The following UBE2S variants were observed in gnomAD, a reference collection of about 807,000 sequenced individuals.
UBE2S encodes the protein ubiquitin-conjugating enzyme E2 S.
Under a neutral mutation model 12.3 loss-of-function variants are expected in UBE2S, and 3 were observed. The observed-to-expected ratio is 0.24, with a 90% CI of 0.11 to 0.63. The LOEUF is 0.63. UBE2S is among the 30% of genes least tolerant of loss of function. UBE2S has a pLI of 0.85. For missense variants in UBE2S, 211 were observed against 313.9 expected (o/e 0.67, Z 2.48); for synonymous variants, 133 against 142.0 (o/e 0.94, Z 0.45).
intron 2 of UBE2S, among the ~76,000 whole-genome samples, chr19:55,405,275 T>C (rs1296526606): frequency 6.8e-6 from 1 of 146,898 alleles, no homozygotes; most frequent in Non-Finnish European, 1.5e-5. Context: ...TTTGGGAGGC[T>C]GAGGCGGGCG....
In UBE2S at chr19:55,401,206, C is replaced by G; in HGVS notation, c.*230G>C. On this transcript the variant is annotated 3_prime_UTR_variant, in exon 4 of 4. Transcript: ENST00000264552. Reference sequence around the variant, plus strand: ...CATGAGGCTTTACAAGGACCCAGGGCCTGTGCAGGGGAGCCAAACTCCCAG... The same window carrying G: ...CATGAGGCTTTACAAGGACCCAGGGGCTGTGCAGGGGAGCCAAACTCCCAG... 1 of 593,680 alleles carries G rather than the reference C, an allele frequency of 1.7e-6. No homozygotes were observed. Among genetic ancestry groups the G allele is most frequent in the Non-Finnish European group, 3.0e-6 (1 of 338,240 alleles). 36.8% of individuals were successfully genotyped at this position (593,680 alleles called of 1,614,324 possible). A position where few individuals can be genotyped will look rare whatever the true frequency, so the allele number is the denominator to read the frequency against.
At position 55,404,246 on chromosome 19, in the gene UBE2S, A is replaced by G. The variant is rs760469241; in HGVS notation, c.342+42T>C. The G allele has an allele frequency of 1.2e-6, 2 of 1,608,190 alleles. No homozygotes were observed. The highest frequency in any genetic ancestry group is 1.7e-6 in the Non-Finnish European group (2 of 1,176,340). On this transcript the variant is annotated intron_variant, in intron 3 of 3. Coordinates refer to ENST00000264552, the MANE Select transcript of UBE2S (RefSeq NM_014501.3). This position sits in a 1 kb window ranked among gnomAD's most constrained non-coding sequence, Gnocchi z 4.4. ...ATGGCTCAGACACCAGCAGACCTCC[A>G]GAGGCAGGAGGCAGGAGGCCCAGCC... is the stretch of plus-strand genomic sequence containing the variant.
chr19:55,404,578 G>T lies in UBE2S; in HGVS notation c.152-100C>A, dbSNP rs1182727431. The stretch of plus-strand genomic sequence containing the variant: ...TCCACGGTCTGATTGTGATGCAGGT[G>T]GGTGCCCCGCCAACTCTGCCAACAG... On this transcript the variant is annotated intron_variant, in intron 2 of 3. Coordinates refer to ENST00000264552, the MANE Select transcript of UBE2S (RefSeq NM_014501.3). This position sits in a 1 kb window ranked among gnomAD's most constrained non-coding sequence, Gnocchi z 4.4. The T allele has an allele frequency of 8.9e-7, 1 of 1,125,074 alleles. No individual in the cohort carries two copies. The highest frequency in any genetic ancestry group is 1.2e-6 in the Non-Finnish European group (1 of 800,266). The allele number at this position is 1,125,074 out of a possible 1,614,324, so 69.7% of individuals were successfully genotyped here.
At position 55,401,932 on chromosome 19, in the gene UBE2S, G is replaced by A. The variant is rs116494091; in HGVS notation, c.343-170C>T. Among the ~76,000 whole-genome samples, 570 of 152,232 alleles carry A rather than the reference G, an allele frequency of 3.7e-3. 5 individuals are homozygous for A. Among genetic ancestry groups the A allele is most frequent in the African/African-American group, 0.013 (533 of 41,538 alleles). ...CTCATCTTTGCTCCTGTCTCCCTCA[G>A]AGGCCACCTTCATGTGACCTGCCTC... On this transcript the variant is annotated intron_variant, in intron 3 of 3. Coordinates refer to ENST00000264552, the MANE Select transcript of UBE2S (RefSeq NM_014501.3).
At position 55,401,021 on chromosome 19, in the gene UBE2S, G is replaced by A. The variant is rs1040525048; in HGVS notation, c.*415C>T. On this transcript the variant is annotated 3_prime_UTR_variant, in exon 4 of 4. Transcript: ENST00000264552. ...AGAGGGAGAAGTATAGGGCAGTGCC[G>A]CTCAGGCCACCAGGAGCAGCTCCAG... is the stretch of plus-strand genomic sequence containing the variant. 11 of 210,168 alleles carry A rather than the reference G, an allele frequency of 5.2e-5. No individual in the cohort carries two copies. The highest frequency in any genetic ancestry group is 1.0e-4 in the Admixed American group (2 of 19,126). 13.0% of individuals were successfully genotyped at this position (210,168 alleles called of 1,614,324 possible).
rs1241064356 is a variant in UBE2S at position 55,404,958 on chromosome 19, C to A, written c.152-480G>T. 6.6e-6 allele frequency among the ~76,000 whole-genome samples: 1 copy of A among 151,556 alleles called. No homozygotes were observed. Among genetic ancestry groups the A allele is most frequent in the Non-Finnish European group, 1.5e-5 (1 of 67,896 alleles). On this transcript the variant is annotated intron_variant, in intron 2 of 3. Coordinates refer to ENST00000264552, the MANE Select transcript of UBE2S (RefSeq NM_014501.3). The surrounding 1 kb of genome is among the most constrained non-coding windows in gnomAD (Gnocchi z 4.4). ...AGGTGTGGTGGCTCACGCCTGTAAT[C>A]CCAGCACTTTGGGAGGCTAAGGCGG...
rs751632379 is a variant in UBE2S, at chr19:55,404,372, C to T, written c.258G>A (p.Pro86=). ...AGATCTCGCCATTGGCGCCCACGTT[C>T]GGGTGGAAGATCTTGGTCAGGAAGT... The part of the protein sequence containing the change: ...KGYFLTKIFH[P]NVGANGEICV... Residue 86 remains proline, a synonymous_variant, in exon 3 of 4, where the codon CCG becomes CCA. Transcript: ENST00000264552. This position sits in a 1 kb window ranked among gnomAD's most constrained non-coding sequence, Gnocchi z 4.4. 5.8e-5 allele frequency: 94 copies of T among 1,613,720 alleles called. 1 individual carries two copies. The highest frequency in any genetic ancestry group is 6.4e-5 in the Non-Finnish European group (75 of 1,179,836).
chr19:55,401,998 A>G (rs1387480726), intron 3 of UBE2S, among the ~76,000 whole-genome samples: 2 of 152,222 alleles, frequency 1.3e-5, no homozygotes, highest in Admixed American at 6.5e-5. Context: ...CATAGGCCCA[A>G]TGGTTTAAAA....
rs1600324246 is a variant in UBE2S, at chr19:55,407,542, G to T, written c.3+45C>A. ...CCCTGAGACTCCACCTCCTCCCTCAGGGACACCCCCGACCACCTTCATGGG... is the reference window on the plus strand; with the variant it reads ...CCCTGAGACTCCACCTCCTCCCTCATGGACACCCCCGACCACCTTCATGGG... On this transcript the variant is annotated intron_variant, in intron 1 of 3. Transcript: ENST00000264552. The T allele has an allele frequency of 3.3e-6, 5 of 1,526,312 alleles. No individual in the cohort carries two copies. The African/African-American group carries it at 5.7e-5, about 18-fold the overall frequency. 94.5% of individuals were successfully genotyped at this position (1,526,312 alleles called of 1,614,324 possible).
At chr19:55,403,755 T>G (rs1270002879) in intron 3 of UBE2S, among the ~76,000 whole-genome samples, 4 of 151,306 alleles carry the variant, frequency 2.6e-5, no homozygotes, top group African/African-American at 4.9e-5. Flanking sequence ...TTTTTTTTTT[T>G]TTTGAGATAG....
chr19:55,407,110 T>C, intron 1 of UBE2S, 148 bp from the exon 2 acceptor site: 2 of 946,092 alleles, frequency 2.1e-6, no homozygotes, highest in Non-Finnish European at 3.0e-6. Flanking sequence ...CCAGGATGCT[T>C]CAGGCCATCA....
chr19:55,403,034 G>C (rs1253892628), intron 3 of UBE2S: 1 of 1,490,946 alleles, frequency 6.7e-7, no homozygotes, highest in Non-Finnish European at 9.0e-7. Flanking sequence ...ACCGCAGCCA[G>C]GTCATTCTGT....
chr19:55,406,733 G>A, intron 2 of UBE2S, 82 bp downstream of exon 2: 1 of 1,514,480 alleles, frequency 6.6e-7, no homozygotes, highest in Non-Finnish European at 8.9e-7. Context: ...GCCTGTAATG[G>A]GTACTTCCCG....
At chr19:55,402,755 T>A (rs1971360674) in intron 3 of UBE2S, among the ~76,000 whole-genome samples, 1 of 151,978 alleles carries the variant, frequency 6.6e-6, no homozygotes, top group South Asian at 2.1e-4. Flanking sequence ...GGTGCCAATG[T>A]CCCCAGCAGC....
chr19:55,404,882 C>T lies in UBE2S; in HGVS notation c.152-404G>A, dbSNP rs920954647. On this transcript the variant is annotated intron_variant, in intron 2 of 3. Coordinates refer to ENST00000264552, the MANE Select transcript of UBE2S (RefSeq NM_014501.3). The surrounding 1 kb of genome is among the most constrained non-coding windows in gnomAD (Gnocchi z 4.4). ...CCTCCCAAAGTGCTGGGATTACAGG[C>T]GTGAACCACCATGCCCAGTCAGGCT... is the stretch of plus-strand genomic sequence containing the variant. Among the ~76,000 whole-genome samples, 3 of 151,276 alleles carry T rather than the reference C, an allele frequency of 2.0e-5. No individual in the cohort carries two copies. Among genetic ancestry groups the T allele is most frequent in the African/African-American group, 7.3e-5 (3 of 41,252 alleles).
chr19:55,402,180 G>A (rs2090064575), intron 3 of UBE2S, among the ~76,000 whole-genome samples: 1 of 152,226 alleles, frequency 6.6e-6, no homozygotes, highest in Admixed American at 6.5e-5. Flanking sequence ...AGTGAGGCCT[G>A]CAGCCTGGAC....
intron 3 of UBE2S, chr19:55,402,864 G>C: frequency 8.0e-7 from 1 of 1,252,888 alleles, no homozygotes; most frequent in South Asian, 1.5e-5. Context: ...CCCCATGGCA[G>C]GAAACCCCAA....
chr19:55,402,023 C>T (rs1014784864), intron 3 of UBE2S, among the ~76,000 whole-genome samples: 28 of 152,196 alleles, frequency 1.8e-4, no homozygotes, highest in African/African-American at 6.0e-4. Context: ...CCTGGTCCTC[C>T]GTGGAACTTG....
Position 55,407,344 on chromosome 19 carries a change from C to G in UBE2S, c.3+243G>C, listed in dbSNP as rs992023530. 1.2e-4 allele frequency among the ~76,000 whole-genome samples: 19 copies of G among 152,272 alleles called. No homozygotes were observed. The East Asian group carries it at 3.7e-3, about 30-fold the overall frequency. ...GGTCTGGAGATGGCGGCGGGGCGTC[C>G]TTGCTCCTGGTAACACCCATGGGCG... On this transcript the variant is annotated intron_variant, in intron 1 of 3. Transcript: ENST00000264552.
Sources: allele counts gnomAD v4.1 joint callset (sites outside exome capture counted in the v4.1 genomes callset), GRCh38; gene constraint gnomAD v4.1.1; non-coding constraint Gnocchi (gnomAD v3.1); transcripts MANE v1.5; gene names NCBI Gene and HGNC (gene_info 2026-07-23, HGNC 2026-07-21).